The following TBCD variants were observed in gnomAD, a reference collection of about 807,000 sequenced individuals.
TBCD encodes the protein tubulin folding cofactor D, also known as tubulin-specific chaperone D.
Under a neutral mutation model 169.3 loss-of-function variants are expected in TBCD, and 105 were observed. The observed-to-expected ratio is 0.62, with a 90% CI of 0.53 to 0.73. The LOEUF is 0.73. Among genes scored for constraint, TBCD ranks in the 30% least tolerant of loss-of-function variants. The probability of loss-of-function intolerance (pLI) is 0.00; values close to 1 mark genes in which losing one functional copy is unlikely to be tolerated. For synonymous variants in TBCD, 700 were observed against 643.9 expected, an observed-to-expected ratio of 1.09 and a Z score of -1.32; for missense variants, 1,444 against 1,600.1, an observed-to-expected ratio of 0.90 and a Z score of 1.66.
intron 14 of TBCD, among the ~76,000 whole-genome samples, chr17:82,881,473 C>T (rs1246316620): frequency 6.6e-6 from 1 of 152,178 alleles, no homozygotes; most frequent in Non-Finnish European, 1.5e-5. Context: ...GGAGAGCTGC[C>T]AGGCCACTCC....
chr17:82,829,208 CA>C (rs1410329185), intron 13 of TBCD, among the ~76,000 whole-genome samples: 4 of 151,828 alleles, frequency 2.6e-5, no homozygotes, highest in Admixed American at 6.6e-5. Context: ...CACATGCACA[CA>C]TCCACACGAT....
At position 82,781,578 on chromosome 17, in the gene TBCD, C is replaced by G. The variant is rs1433215798; in HGVS notation, c.639-11C>G. The G allele has an allele frequency of 6.2e-7, 1 of 1,613,368 alleles. No homozygotes were observed. Among genetic ancestry groups the G allele is most frequent in the Admixed American group, 1.7e-5 (1 of 59,976 alleles). On this transcript the variant is annotated splice_polypyrimidine_tract_variant and intron_variant, in intron 6 of 38. Transcript: ENST00000355528. The stretch of plus-strand genomic sequence containing the variant: ...TGCTGAGGCCTTGGTTGAGCTGTAT[C>G]CTTTTGGCAGATTTATCACACGTCC...
At position 82,890,877 on chromosome 17, in the gene TBCD, G is replaced by C. The variant is rs911921313; in HGVS notation, c.1563+1180G>C. Among the ~76,000 whole-genome samples, 1 of 152,202 alleles carries C rather than the reference G, an allele frequency of 6.6e-6. No individual in the cohort carries two copies. Among genetic ancestry groups the C allele is most frequent in the African/African-American group, 2.4e-5 (1 of 41,456 alleles). On this transcript the variant is annotated intron_variant, in intron 16 of 38. Coordinates refer to ENST00000355528, the MANE Select transcript of TBCD (RefSeq NM_005993.5). This position sits in a 1 kb window ranked among gnomAD's most constrained non-coding sequence, Gnocchi z 5.3. Reference sequence around the variant, plus strand: ...GAATGTGAACGAGGTTTGGTCTTTTGAGTGGAGAGTGTGGCTGCTGTGAGG... The same window carrying C: ...GAATGTGAACGAGGTTTGGTCTTTTCAGTGGAGAGTGTGGCTGCTGTGAGG...
rs2057024524 is a variant in TBCD at position 82,864,694 on chromosome 17, G to GGCTTGGT, written c.1319-5527_1319-5521dup. ...TTTCCTGTGGAAAGAGCGGGCTTGG[G>GGCTTGGT]GCTTGGTGCGTGATCCCACCGAGGC... On this transcript the variant is annotated intron_variant, in intron 13 of 38. Coordinates refer to ENST00000355528, the MANE Select transcript of TBCD (RefSeq NM_005993.5). The surrounding 1 kb of genome is among the most constrained non-coding windows in gnomAD (Gnocchi z 6.3). Among the ~76,000 whole-genome samples the GGCTTGGT allele has an allele frequency of 6.6e-6, 1 of 152,134 alleles. No individual in the cohort carries two copies. Among genetic ancestry groups the GGCTTGGT allele is most frequent in the South Asian group, 2.1e-4 (1 of 4,824 alleles).
chr17:82,817,765 T>C (rs1480253524), intron 13 of TBCD, among the ~76,000 whole-genome samples: 2 of 152,180 alleles, frequency 1.3e-5, no homozygotes, highest in African/African-American at 4.8e-5. Context: ...ATGGTGATAT[T>C]TGACCCAGGT....
At chr17:82,762,282 C>G (rs2047801682) in intron 2 of TBCD, among the ~76,000 whole-genome samples, 1 of 142,786 alleles carries the variant, frequency 7.0e-6, no homozygotes, top group East Asian at 2.1e-4. Context: ...TGCCACTGCA[C>G]TCCAGCCTGG....
chr17:82,842,481 C>A (rs2054601849), intron 13 of TBCD, among the ~76,000 whole-genome samples: 1 of 152,152 alleles, frequency 6.6e-6, no homozygotes, highest in South Asian at 2.1e-4. Context: ...CCCTTCTGCC[C>A]CCATGTCTGC....
Position 82,942,716 on chromosome 17 carries a change from T to C in TBCD, c.*253T>C, listed in dbSNP as rs568789788. Reference sequence around the variant, plus strand: ...TCATGTACCAAGAAGTTCCTGCCTTTTGTCTCTGAGCCTGATGTGTGTAGG... The same window carrying C: ...TCATGTACCAAGAAGTTCCTGCCTTCTGTCTCTGAGCCTGATGTGTGTAGG... On this transcript the variant is annotated 3_prime_UTR_variant, in exon 39 of 39. Coordinates refer to ENST00000355528, the MANE Select transcript of TBCD (RefSeq NM_005993.5). The C allele has an allele frequency of 1.0e-5, 6 of 592,144 alleles. No individual in the cohort carries two copies. Among genetic ancestry groups the C allele is most frequent in the African/African-American group, 9.3e-5 (5 of 53,766 alleles). The allele number at this position is 592,144 out of a possible 1,614,324, so 36.7% of individuals were successfully genotyped here. A position where few individuals can be genotyped will look rare whatever the true frequency, so the allele number is the denominator to read the frequency against.
chr17:82,908,551 G>T (rs8073910), intron 21 of TBCD: 96,844 of 314,564 alleles, frequency 0.31, 16,438 homozygotes, highest in African/African-American at 0.53. Context: ...TTAAGATTCA[G>T]CTCGGATTCT....
rs1327609371 is a variant in TBCD at position 82,799,838 on chromosome 17, C to A, written c.818-1026C>A. 2.6e-5 allele frequency among the ~76,000 whole-genome samples: 4 copies of A among 152,222 alleles called. No homozygotes were observed. In the East Asian group the frequency reaches 5.8e-4, roughly 22 times the overall value. ...ACGCTCATTGTGCCCACTGTCAGAG[C>A]CTTCTGAGAAGTTACTCAGATGCTC... On this transcript the variant is annotated intron_variant, in intron 8 of 38. Coordinates refer to ENST00000355528, the MANE Select transcript of TBCD (RefSeq NM_005993.5).
At chr17:82,938,202 C>T (rs1383631005) in intron 36 of TBCD, 66 bp downstream of exon 36, 1 of 1,497,642 alleles carries the variant, frequency 6.7e-7, no homozygotes, top group South Asian at 1.2e-5. Context: ...GACAAGAAGG[C>T]CTTCGCTGGC....
At position 82,920,864 on chromosome 17, in the gene TBCD, C is replaced by T. The variant is rs1012565439; in HGVS notation, c.2101+246C>T. Among the ~76,000 whole-genome samples, 7 of 152,180 alleles carry T rather than the reference C, an allele frequency of 4.6e-5. No homozygotes were observed. The highest frequency in any genetic ancestry group is 1.7e-4 in the African/African-American group (7 of 41,438). ...CCTCAGTACCCCCACCTCCTCGCTTCCATGCCCAGGGCCCGGCACTCTGGG... is the reference window on the plus strand; with the variant it reads ...CCTCAGTACCCCCACCTCCTCGCTTTCATGCCCAGGGCCCGGCACTCTGGG... On this transcript the variant is annotated intron_variant, in intron 24 of 38. Transcript: ENST00000355528. The surrounding 1 kb of genome is among the most constrained non-coding windows in gnomAD (Gnocchi z 4.1).
At chr17:82,801,078 G>T (rs1481000971) in intron 9 of TBCD, 82 bp downstream of exon 9, 13 of 1,390,670 alleles carry the variant, frequency 9.3e-6, no homozygotes, top group African/African-American at 1.5e-5. Context: ...ATTGATGAGG[G>T]CGGGGCAGGT....
intron 18 of TBCD, among the ~76,000 whole-genome samples, chr17:82,901,794 G>T (rs981334027): frequency 1.5e-4 from 23 of 152,358 alleles, no homozygotes; most frequent in African/African-American, 5.5e-4. Flanking sequence ...TTCGCTTACA[G>T]AGAGGGGTGT....
chr17:82,924,864 TG>T, intron 26 of TBCD, 74 bp from the exon 27 acceptor site: 1 of 1,228,894 alleles, frequency 8.1e-7, no homozygotes. Context: ...TGCTCCTGTT[TG>T]GGGCACACGT....
intron 6 of TBCD, 23 bp from the exon 7 acceptor site, chr17:82,781,566 G>A: frequency 6.2e-7 from 1 of 1,613,034 alleles, no homozygotes; most frequent in South Asian, 1.1e-5. Flanking sequence ...TGAGGCCTTG[G>A]TTGAGCTGTA....
At chr17:82,937,529 G>T in intron 35 of TBCD, 169 bp downstream of exon 35, 1 of 651,450 alleles carries the variant, frequency 1.5e-6, no homozygotes. Context: ...GGGAGGTGAG[G>T]CAGCCCAGGT....
chr17:82,932,252 T>G, intron 33 of TBCD: 2 of 303,154 alleles, frequency 6.6e-6, no homozygotes, highest in Non-Finnish European at 1.3e-5. Flanking sequence ...TTGAGTGAGG[T>G]TTCTTACATG....
chr17:82,882,113 C>T (rs1405416880), intron 14 of TBCD, among the ~76,000 whole-genome samples: 1 of 152,238 alleles, frequency 6.6e-6, no homozygotes, highest in Non-Finnish European at 1.5e-5. Context: ...GTCACATGCC[C>T]CAGCTTCTCC....
Sources: allele counts gnomAD v4.1 joint callset (sites outside exome capture counted in the v4.1 genomes callset), GRCh38; gene constraint gnomAD v4.1.1; non-coding constraint Gnocchi (gnomAD v3.1); transcripts MANE v1.5; gene names NCBI Gene and HGNC (gene_info 2026-07-23, HGNC 2026-07-21).